The following TBC1D19 variants were observed in gnomAD, a reference collection of about 807,000 sequenced individuals.
TBC1D19 encodes the protein TBC1 domain family, member 19.
Under a neutral mutation model 89.0 loss-of-function variants are expected in TBC1D19, and 60 were observed. The observed-to-expected ratio is 0.67, with a 90% CI of 0.55 to 0.84. TBC1D19 has a LOEUF of 0.84. TBC1D19 is among the 40% of genes least tolerant of loss of function. The probability of loss-of-function intolerance (pLI) is 0.00; values close to 1 mark genes in which losing one functional copy is unlikely to be tolerated. For missense variants in TBC1D19, 500 were observed against 610.8 expected (o/e 0.82, Z 1.91); for synonymous variants, 189 against 199.7 (o/e 0.95, Z 0.45).
chr4:26,651,515 T>G (rs1484719845), intron 7 of TBC1D19, among the ~76,000 whole-genome samples: 1 of 151,954 alleles, frequency 6.6e-6, no homozygotes, highest in Non-Finnish European at 1.5e-5. Context: ...TGGCTGTTTA[T>G]CTGTTATTGG....
chr4:26,595,026 C>T (rs1384321958), intron 1 of TBC1D19, among the ~76,000 whole-genome samples: 1 of 152,224 alleles, frequency 6.6e-6, no homozygotes, highest in Non-Finnish European at 1.5e-5. Flanking sequence ...ACCTGTCTTC[C>T]AATGAGGCTG....
At chr4:26,807,435 C>G in the TBC1D19 span, among the ~76,000 whole-genome samples, 1 of 152,236 alleles carries the variant, frequency 6.6e-6, no homozygotes, top group Non-Finnish European at 1.5e-5. Flanking sequence ...CCCCACAGCC[C>G]TTTCCTGCCC....
intron 1 of TBC1D19, among the ~76,000 whole-genome samples, chr4:26,594,426 C>T (rs190753225): frequency 5.3e-5 from 8 of 151,956 alleles, no homozygotes; most frequent in Admixed American, 3.9e-4. Flanking sequence ...ACCAAAATGG[C>T]ACTTAAAGTA....
intron 15 of TBC1D19, among the ~76,000 whole-genome samples, chr4:26,728,050 T>C (rs1717418673): frequency 6.6e-6 from 1 of 152,234 alleles, no homozygotes. Flanking sequence ...TTTTGCTGCT[T>C]CATAGTTCAC....
chr4:26,775,470 G>C, the TBC1D19 span, among the ~76,000 whole-genome samples: 51,944 of 151,962 alleles, frequency 0.34, 9,966 homozygotes, highest in Non-Finnish European at 0.44. Flanking sequence ...AAGAAACAAA[G>C]AAATTTAATT....
chr4:26,718,192 C>T (rs1032020119), intron 14 of TBC1D19, among the ~76,000 whole-genome samples, 175 bp downstream of exon 14: 1 of 152,064 alleles, frequency 6.6e-6, no homozygotes, highest in Admixed American at 6.6e-5. Flanking sequence ...TAATTTATCA[C>T]AAATCACGGG....
the TBC1D19 span, among the ~76,000 whole-genome samples, chr4:26,850,540 C>CAAAAAAAAAAAAAAAAAAAA: frequency 1.6e-3 from 148 of 90,402 alleles, 2 homozygotes; most frequent in African/African-American, 2.2e-3. Context: ...GACCCTGTCT[C>CAAAAAAAAAAAAAAAAAAAA]AAAAAAAAAA....
At chr4:26,622,185 G>A (rs1454203388) in intron 4 of TBC1D19, among the ~76,000 whole-genome samples, 1 of 151,902 alleles carries the variant, frequency 6.6e-6, no homozygotes, top group Non-Finnish European at 1.5e-5. Context: ...CATGGCACAT[G>A]TATACATATG....
At chr4:26,652,182 GT>G (rs1221818286) in intron 7 of TBC1D19, among the ~76,000 whole-genome samples, 3 of 151,980 alleles carry the variant, frequency 2.0e-5, no homozygotes, top group Admixed American at 2.0e-4. Context: ...CTCTTTTTTT[GT>G]TGTGTCTCTG....
intron 1 of TBC1D19, among the ~76,000 whole-genome samples, chr4:26,595,656 T>G (rs1191268856): frequency 6.7e-6 from 1 of 149,456 alleles, no homozygotes; most frequent in East Asian, 2.1e-4. Flanking sequence ...CCACCCTCTC[T>G]TTCTCTTCCT....
At chr4:26,640,901 C>A (rs1362828484) in intron 7 of TBC1D19, among the ~76,000 whole-genome samples, 1 of 152,162 alleles carries the variant, frequency 6.6e-6, no homozygotes, top group African/African-American at 2.4e-5. Flanking sequence ...GCGGGAAGCT[C>A]GAACTGGGTG....
chr4:26,809,628 G>A, the TBC1D19 span, among the ~76,000 whole-genome samples: 2 of 152,170 alleles, frequency 1.3e-5, no homozygotes, highest in South Asian at 2.1e-4. Flanking sequence ...GCCAATACAG[G>A]GTGCACTGAT....
chr4:26,590,874 C>T (rs1357784420), intron 1 of TBC1D19, among the ~76,000 whole-genome samples: 1 of 121,530 alleles, frequency 8.2e-6, no homozygotes, highest in East Asian at 2.7e-4. Flanking sequence ...TGGTCTCAAG[C>T]TCCTGGGCTC....
At chr4:26,854,929 C>T in the TBC1D19 span, among the ~76,000 whole-genome samples, 6 of 152,102 alleles carry the variant, frequency 3.9e-5, no homozygotes, top group Non-Finnish European at 7.4e-5. Context: ...CTGAAAAGTG[C>T]GGGCGAGTTT....
chr4:26,783,775 T>C, the TBC1D19 span, among the ~76,000 whole-genome samples: 1 of 152,276 alleles, frequency 6.6e-6, no homozygotes, highest in South Asian at 2.1e-4. Flanking sequence ...GAAATGCTCT[T>C]CATGGTTTTG....
Position 26,598,162 on chromosome 4 carries a change from T to C in TBC1D19, c.99+13870T>C, listed in dbSNP as rs1490650234. Among the ~76,000 whole-genome samples the C allele has an allele frequency of 5.9e-5, 9 of 152,186 alleles. No individual in the cohort carries two copies. In the South Asian group the frequency reaches 1.7e-3, roughly 28 times the overall value. ...AATCGTTTTTGCTCTCATGAAGAGA[T>C]GATAGTATTACAAATAAGTATATAC... On this transcript the variant is annotated intron_variant, in intron 1 of 20. Transcript: ENST00000264866.
intron 7 of TBC1D19, 22 bp downstream of exon 7, chr4:26,640,209 C>A: frequency 6.5e-7 from 1 of 1,544,766 alleles, no homozygotes; most frequent in Non-Finnish European, 8.9e-7. Context: ...TGGATAAATA[C>A]ACATATATTA....
intron 7 of TBC1D19, among the ~76,000 whole-genome samples, chr4:26,651,182 T>C (rs1744346783): frequency 6.6e-6 from 1 of 152,234 alleles, no homozygotes; most frequent in Admixed American, 6.5e-5. Context: ...TGGCTTAGTA[T>C]TGTCTTGGCA....
chr4:26,824,925 G>A, the TBC1D19 span, among the ~76,000 whole-genome samples: 1 of 152,060 alleles, frequency 6.6e-6, no homozygotes, highest in Admixed American at 6.6e-5. Flanking sequence ...CCTGTTTAAC[G>A]ATATACATTG....
Sources: allele counts gnomAD v4.1 joint callset (sites outside exome capture counted in the v4.1 genomes callset), GRCh38; gene constraint gnomAD v4.1.1; transcripts MANE v1.5; gene names NCBI Gene and HGNC (gene_info 2026-07-23, HGNC 2026-07-21).